The following ADAM2 variants were observed in gnomAD, a reference collection of about 807,000 sequenced individuals.
ADAM2 encodes the protein ADAM metallopeptidase domain 2.
ADAM2 carries 101 observed loss-of-function variants against 99.3 expected under a neutral mutation model. The observed-to-expected ratio is 1.02, with a 90% confidence interval of 0.87 to 1.20. ADAM2 has a LOEUF of 1.20. Among genes scored for constraint, ADAM2 ranks in the 50% most tolerant of loss-of-function variants. The pLI is 0.00. For synonymous variants in ADAM2, 323 were observed against 287.6 expected (o/e 1.12, Z -1.25); for missense variants, 948 against 878.7 (o/e 1.08, Z -1.00).
chr8:39,777,295 C>A, intron 10 of ADAM2, 134 bp from the exon 11 acceptor site: 4 of 587,190 alleles, frequency 6.8e-6, no homozygotes, highest in Non-Finnish European at 1.2e-5. Context: ...CCTTGTTGGT[C>A]TAACTCATTA....
chr8:39,779,263 C>G (rs563363571), intron 10 of ADAM2, among the ~76,000 whole-genome samples: 1 of 152,146 alleles, frequency 6.6e-6, no homozygotes, highest in South Asian at 2.1e-4. Context: ...CTGCTGAGAC[C>G]TTTTTGGCTT....
At position 39,752,840 on chromosome 8, in the gene ADAM2, T is replaced by C. The variant is rs141259730; in HGVS notation, c.1797+2888A>G. Among the ~76,000 whole-genome samples, 136 of 152,276 alleles carry C rather than the reference T, an allele frequency of 8.9e-4. 1 individual carries two copies. The highest frequency in any genetic ancestry group is 2.9e-3 in the African/African-American group (120 of 41,556). On this transcript the variant is annotated intron_variant, in intron 16 of 20. Coordinates refer to ENST00000265708, the MANE Select transcript of ADAM2 (RefSeq NM_001464.5). ...CTCTTGCCTGCCTCCACGTAAGACA[T>C]GCCTTTGTTCCTCCTTTGCCTTCTG...
chr8:39,785,689 G>A (rs1375696943), intron 10 of ADAM2, among the ~76,000 whole-genome samples: 2 of 151,842 alleles, frequency 1.3e-5, no homozygotes, highest in African/African-American at 4.8e-5. Flanking sequence ...CCAGCTACTT[G>A]GGAGACTGAG....
At chr8:39,769,355 G>T (rs763411963) in intron 12 of ADAM2, 37 bp downstream of exon 12, 21 of 1,499,718 alleles carry the variant, frequency 1.4e-5, no homozygotes, top group Admixed American at 2.0e-5. Flanking sequence ...AATTTTTGCT[G>T]CAATTTCAGT....
At chr8:39,807,851 T>A (rs1392181294) in intron 7 of ADAM2, among the ~76,000 whole-genome samples, 1 of 152,188 alleles carries the variant, frequency 6.6e-6, no homozygotes, top group Non-Finnish European at 1.5e-5. Flanking sequence ...GACACTTAAC[T>A]GATATAATGA....
At chr8:39,786,587 T>G (rs1166182352) in intron 10 of ADAM2, among the ~76,000 whole-genome samples, 1 of 152,150 alleles carries the variant, frequency 6.6e-6, no homozygotes, top group African/African-American at 2.4e-5. Flanking sequence ...TTAAGGCGAC[T>G]GATACTTTCA....
chr8:39,767,007 C>T lies in ADAM2; in HGVS notation c.1348G>A (p.Glu450Lys). 6.2e-7 allele frequency: 1 copy of T among 1,614,058 alleles called. No individual in the cohort carries two copies. Among genetic ancestry groups the T allele is most frequent in the South Asian group, 1.1e-5 (1 of 91,072 alleles). Reference sequence around the variant, plus strand: ...CAATATTCAGGGAGGTCGCATTCTTCAAAGGAAGGCCTACACATTCTTTCT... The same window carrying T: ...CAATATTCAGGGAGGTCGCATTCTTTAAAGGAAGGCCTACACATTCTTTCT... ...SKERMCRPSF[E>K]ECDLPEYCNG... The change falls in exon 14 of 21, where the codon GAA (glutamate) becomes AAA (lysine). Residue 450 changes from glutamate (E) to lysine (K), a missense_variant. Glu to Lys is a moderately conservative substitution (Grantham distance 56). Transcript: ENST00000265708.
chr8:39,796,189 C>T (rs564715688), intron 7 of ADAM2, among the ~76,000 whole-genome samples: 7 of 152,192 alleles, frequency 4.6e-5, no homozygotes, highest in African/African-American at 1.2e-4. Flanking sequence ...GTTCCCTCCC[C>T]TCAGCCCCCA....
chr8:39,769,834 C>T (rs914857802), intron 11 of ADAM2, among the ~76,000 whole-genome samples: 5 of 152,166 alleles, frequency 3.3e-5, no homozygotes, highest in African/African-American at 1.2e-4. Context: ...GTTTAAGCTC[C>T]TATTTTCCAA....
intron 11 of ADAM2, among the ~76,000 whole-genome samples, chr8:39,772,575 C>G (rs1048189815): frequency 2.0e-5 from 3 of 151,990 alleles, no homozygotes; most frequent in African/African-American, 7.2e-5. Flanking sequence ...TCAAAATAAA[C>G]TTTTCTTTGA....
In ADAM2 at chr8:39,773,771, T is replaced by C. The variant is rs1802877620; in HGVS notation, c.1028+3254A>G. Among the ~76,000 whole-genome samples the C allele has an allele frequency of 2.6e-5, 4 of 151,958 alleles. No homozygotes were observed. In the South Asian group the frequency reaches 8.3e-4, roughly 31 times the overall value. On this transcript the variant is annotated intron_variant, in intron 11 of 20. Transcript: ENST00000265708. ...TCCGGACAGCTTCACTGATAAATGC[T>C]ATCAAACAATTTAGAAAGAAATAGT... is the stretch of plus-strand genomic sequence containing the variant.
At chr8:39,759,179 A>G (rs1040005552) in intron 15 of ADAM2, among the ~76,000 whole-genome samples, 3 of 152,158 alleles carry the variant, frequency 2.0e-5, no homozygotes, top group Admixed American at 6.5e-5. Flanking sequence ...TTAACCTAAA[A>G]TGTCCAATAC....
intron 11 of ADAM2, among the ~76,000 whole-genome samples, chr8:39,773,302 T>C (rs1802856121): frequency 6.6e-6 from 1 of 151,676 alleles, no homozygotes. Flanking sequence ...TAGGAACTTG[T>C]GATTAGAGAG....
At chr8:39,795,472 T>C (rs1014893741) in intron 7 of ADAM2, among the ~76,000 whole-genome samples, 1 of 152,166 alleles carries the variant, frequency 6.6e-6, no homozygotes, top group African/African-American at 2.4e-5. Flanking sequence ...CAACCCTTAA[T>C]TGGAAACCAG....
At chr8:39,808,796 G>A (rs1234811611) in intron 7 of ADAM2, among the ~76,000 whole-genome samples, 1 of 152,084 alleles carries the variant, frequency 6.6e-6, no homozygotes, top group Non-Finnish European at 1.5e-5. Flanking sequence ...TGTGCCTGTA[G>A]TCCCAGTTAC....
chr8:39,787,382 A>T (rs1803508520), intron 9 of ADAM2, among the ~76,000 whole-genome samples: 1 of 151,604 alleles, frequency 6.6e-6, no homozygotes, highest in South Asian at 2.1e-4. Flanking sequence ...AAGGCAATGC[A>T]ACTTGTTAAT....
At chr8:39,768,344 T>C (rs1038604264) in intron 12 of ADAM2, among the ~76,000 whole-genome samples, 2 of 152,174 alleles carry the variant, frequency 1.3e-5, no homozygotes, top group African/African-American at 2.4e-5. Context: ...TGAGTGACCA[T>C]TGTAGGGCAC....
At chr8:39,755,666 A>T (rs1380371336) in intron 16 of ADAM2, 62 bp downstream of exon 16, 3 of 1,280,138 alleles carry the variant, frequency 2.3e-6, no homozygotes, top group Admixed American at 4.1e-5. Flanking sequence ...AGTGACACTC[A>T]TCTCAAAAAA....
At chr8:39,769,648 A>G in intron 11 of ADAM2, 73 bp from the exon 12 acceptor site, 28 of 1,015,458 alleles carry the variant, frequency 2.8e-5, no homozygotes, top group Non-Finnish European at 4.0e-5. Context: ...ATAAACCTAT[A>G]CAACAGCATT....
Sources: allele counts gnomAD v4.1 joint callset (sites outside exome capture counted in the v4.1 genomes callset), GRCh38; gene constraint gnomAD v4.1.1; transcripts MANE v1.5; gene names NCBI Gene and HGNC (gene_info 2026-07-23, HGNC 2026-07-21).